The following NDRG4 variants were observed in gnomAD, a reference collection of about 807,000 sequenced individuals.
NDRG4 encodes the protein protein NDRG4.
A neutral mutation model predicts 55.8 loss-of-function variants in NDRG4; 38 were observed. That is an observed-to-expected ratio of 0.68 (90% CI 0.53 to 0.89). NDRG4 has a LOEUF of 0.89. NDRG4 is among the 40% of genes least tolerant of loss of function. The pLI is 0.00. For missense variants in NDRG4, 455 were observed against 468.6 expected, an observed-to-expected ratio of 0.97 and a Z score of 0.27; for synonymous variants, 190 against 182.7, an observed-to-expected ratio of 1.04 and a Z score of -0.32.
chr16:58,494,832 T>TAAAAA (rs59711785), intron 2 of NDRG4: 129 of 544,106 alleles, frequency 2.4e-4, no homozygotes, highest in Non-Finnish European at 2.9e-4. Flanking sequence ...ACCCTGTCTC[T>TAAAAA]AAAAAAAAAA....
chr16:58,510,856 C>T (rs568261098), intron 14 of NDRG4, 173 bp downstream of exon 14: 25 of 650,110 alleles, frequency 3.8e-5, no homozygotes, highest in Non-Finnish European at 5.9e-5. Flanking sequence ...GGCTTGGCCT[C>T]TAGGTTGGCT....
Position 58,464,534 on chromosome 16 carries a change from C to T in NDRG4, c.-24+737C>T. On this transcript the variant is annotated intron_variant, in intron 1 of 15. Coordinates refer to the NDRG4 transcript ENST00000258187. The surrounding 1 kb of genome is among the most constrained non-coding windows in gnomAD (Gnocchi z 4.8). ...TTGGAGCGGACTCCGGGCGCGGCGG[C>T]CGGGGACTGGGGCGGCTCGGGTCTG... The T allele has an allele frequency of 7.9e-7, 1 of 1,269,762 alleles. No individual in the cohort carries two copies. Among genetic ancestry groups the T allele is most frequent in the African/African-American group, 1.6e-5 (1 of 64,356 alleles). 78.7% of individuals were successfully genotyped at this position (1,269,762 alleles called of 1,614,324 possible). A position where few individuals can be genotyped will look rare whatever the true frequency, so the allele number is the denominator to read the frequency against.
chr16:58,475,689 T>G (rs1445772255), intron 1 of NDRG4: 1 of 455,588 alleles, frequency 2.2e-6, no homozygotes, highest in East Asian at 6.9e-5. Context: ...ATATCACTAC[T>G]ATGCCACCTT....
chr16:58,474,821 G>A (rs2033404592), intron 1 of NDRG4, among the ~76,000 whole-genome samples: 1 of 152,192 alleles, frequency 6.6e-6, no homozygotes, highest in Non-Finnish European at 1.5e-5. Context: ...GGGAAGGGAG[G>A]TTTCCCAAAA....
Position 58,511,420 on chromosome 16 carries a change from A to T in NDRG4, c.905-2A>T. 6.2e-7 allele frequency: 1 copy of T among 1,602,224 alleles called. No individual in the cohort carries two copies. The highest frequency in any genetic ancestry group is 8.5e-7 in the Non-Finnish European group (1 of 1,173,160). On this transcript the variant is annotated splice_acceptor_variant, in intron 14 of 14. Transcript: ENST00000570248. LOFTEE classifies it high-confidence loss of function. ...TCAGGCCCATCCTGTCTCTGTCCACAGTGCCCTCAGCCAGCATGACCCGCC... is the reference window on the plus strand; with the variant it reads ...TCAGGCCCATCCTGTCTCTGTCCACTGTGCCCTCAGCCAGCATGACCCGCC...
At chr16:58,477,688 A>G (rs1466392446) in intron 1 of NDRG4, among the ~76,000 whole-genome samples, 1 of 152,130 alleles carries the variant, frequency 6.6e-6, no homozygotes, top group Admixed American at 6.5e-5. Flanking sequence ...GCAGGAAAAA[A>G]AAAAAGAAAA....
chr16:58,511,611 G>A lies in NDRG4; in HGVS notation c.*35G>A. ...TCCCGCTGACGACGCCCACGTCGAG[G>A]CCCCACCGCCATCCTTGCGCCGGCT... On this transcript the variant is annotated 3_prime_UTR_variant, in exon 15 of 15. Coordinates refer to ENST00000570248, the MANE Select transcript of NDRG4 (RefSeq NM_001242835.2). 1.2e-6 allele frequency: 2 copies of A among 1,612,466 alleles called. No individual in the cohort carries two copies. The highest frequency in any genetic ancestry group is 1.1e-5 in the South Asian group (1 of 91,072).
intron 1 of NDRG4, among the ~76,000 whole-genome samples, chr16:58,484,440 C>T (rs912071310): frequency 1.3e-5 from 2 of 152,180 alleles, no homozygotes; most frequent in African/African-American, 4.8e-5. Context: ...AACATGCTCT[C>T]ATATTGCAAA....
At chr16:58,506,034 T>G (rs2037922796) in intron 5 of NDRG4, 5 of 384,158 alleles carry the variant, frequency 1.3e-5, no homozygotes, top group South Asian at 1.1e-4. Flanking sequence ...GGCTTCATTC[T>G]CTATAAAAGC....
At chr16:58,488,130 G>A (rs752723915) in intron 2 of NDRG4, among the ~76,000 whole-genome samples, 9 of 152,338 alleles carry the variant, frequency 5.9e-5, no homozygotes, top group Admixed American at 5.9e-4. Flanking sequence ...GAACCCAGTT[G>A]GCCAAGGTCA....
rs1032742426 is a variant in NDRG4, at chr16:58,464,182, G to A, written c.-24+385G>A. 37 of 381,080 alleles carry A rather than the reference G, an allele frequency of 9.7e-5. No homozygotes were observed. Among genetic ancestry groups the A allele is most frequent in the Admixed American group, 9.1e-4 (20 of 21,970 alleles). The allele number at this position is 381,080 out of a possible 1,614,324, so 23.6% of individuals were successfully genotyped here. ...TCCTCCGCCTCCTGGAGTTCACCGG[G>A]ACCAGGTGGCGGCGGGTGCCTTTTT... On this transcript the variant is annotated intron_variant, in intron 1 of 15. Transcript: ENST00000258187. This position sits in a 1 kb window ranked among gnomAD's most constrained non-coding sequence, Gnocchi z 4.8.
chr16:58,506,218 A>T (rs1302080613), intron 5 of NDRG4, 169 bp from the exon 6 acceptor site: 1 of 710,148 alleles, frequency 1.4e-6, no homozygotes, highest in African/African-American at 1.8e-5. Context: ...AGAACTGTGA[A>T]GGGTTCAGTG....
Position 58,507,841 on chromosome 16 carries a change from G to A in NDRG4, c.654G>A (p.Thr218=), listed in dbSNP as rs781381338. The change falls in exon 9 of 15, where the codon ACG becomes ACA. Residue 218 remains threonine (T), a synonymous_variant. Transcript: ENST00000570248. ...ACCTGGACATTAACCGGCCTGGAAC[G>A]GTGCCCAATGCCAAGACGCTCCGGT... ...RRDLDINRPG[T]VPNAKTLRCP... is the part of the protein sequence containing the mutation. The A allele has an allele frequency of 9.4e-5, 152 of 1,613,878 alleles. No individual in the cohort carries two copies. The highest frequency in any genetic ancestry group is 6.6e-4 in the Middle Eastern group (4 of 6,082).
At chr16:58,505,058 A>G (rs1043372825) in intron 5 of NDRG4, among the ~76,000 whole-genome samples, 3 of 152,184 alleles carry the variant, frequency 2.0e-5, no homozygotes, top group African/African-American at 7.2e-5. Flanking sequence ...AAGAAGGCAC[A>G]TTTCAAAAAC....
intron 1 of NDRG4, among the ~76,000 whole-genome samples, chr16:58,481,871 G>A (rs2034439954): frequency 6.6e-6 from 1 of 152,152 alleles, no homozygotes; most frequent in Admixed American, 6.5e-5. Flanking sequence ...GAAATAAGAG[G>A]GTCCAGTTCC....
At chr16:58,501,908 A>C (rs994414899) in intron 1 of NDRG4, 58 of 442,706 alleles carry the variant, frequency 1.3e-4, no homozygotes, top group Non-Finnish European at 1.8e-4. Context: ...TGGGCTCTCG[A>C]CGTCTGACCC....
chr16:58,468,029 C>G lies in NDRG4; in HGVS notation c.-24+4232C>G, dbSNP rs545955667. 6.6e-5 allele frequency among the ~76,000 whole-genome samples: 10 copies of G among 152,330 alleles called. No homozygotes were observed. In the South Asian group the frequency reaches 1.4e-3, roughly 22 times the overall value. On this transcript the variant is annotated intron_variant, in intron 1 of 15. Coordinates refer to the NDRG4 transcript ENST00000258187. ...TGTCTCTGGGGGACCCTACTTAGGT[C>G]TCAGGTTCCTGTGAGTCAGGCATGG... is the stretch of plus-strand genomic sequence containing the variant.
intron 8 of NDRG4, 48 bp from the exon 9 acceptor site, chr16:58,507,755 CATCCT>C: frequency 1.3e-6 from 2 of 1,569,700 alleles, no homozygotes; most frequent in South Asian, 2.2e-5. Flanking sequence ...GGATGCCCCT[CATCCT>C]GTCCTGGGGT....
At chr16:58,482,796 T>C (rs929669156) in intron 1 of NDRG4, among the ~76,000 whole-genome samples, 6 of 148,000 alleles carry the variant, frequency 4.1e-5, no homozygotes, top group African/African-American at 1.5e-4. Flanking sequence ...CTCTCTCTCT[T>C]TCTTTCTCTC....
Sources: gnomAD v4.1 joint callset for allele counts (sites outside exome capture counted in the v4.1 genomes callset) on GRCh38, gnomAD v4.1.1 for gene constraint, Gnocchi (gnomAD v3.1) non-coding constraint, MANE v1.5 for transcripts, NCBI Gene and HGNC (gene_info 2026-07-23, HGNC 2026-07-21) for gene names.